Variants in FAF1 observed in about 807,000 individuals in gnomAD.
FAF1 encodes the protein Fas associated factor 1, also known as FAS-associated factor 1.
In FAF1, 25 loss-of-function variants were observed where a neutral mutation model predicts 92.5. The ratio of observed to expected loss-of-function variants is 0.27; its 90% CI spans 0.20 to 0.38. The LOEUF (loss-of-function observed/expected upper bound fraction) is 0.38. Among genes scored for constraint, FAF1 ranks in the 10% least tolerant of loss-of-function variants. The pLI is 1.00. For synonymous variants in FAF1, 234 were observed against 273.2 expected (o/e 0.86, Z 1.42); for missense variants, 636 against 793.3 (o/e 0.80, Z 2.38).
At chr1:50,649,338 A>C (rs1401892226) in intron 8 of FAF1, among the ~76,000 whole-genome samples, 4 of 150,676 alleles carry the variant, frequency 2.7e-5, no homozygotes, top group Non-Finnish European at 5.9e-5. Context: ...TTCAGTAGAG[A>C]TGGGGTTTCT....
intron 8 of FAF1, among the ~76,000 whole-genome samples, chr1:50,632,815 C>T (rs998418071): frequency 1.3e-5 from 2 of 152,086 alleles, no homozygotes; most frequent in Admixed American, 6.6e-5. Flanking sequence ...AATAACTCTC[C>T]TAGCTTTAAC....
intron 15 of FAF1, among the ~76,000 whole-genome samples, chr1:50,496,695 C>T (rs1313255712): frequency 1.3e-5 from 2 of 152,068 alleles, no homozygotes; most frequent in African/African-American, 4.8e-5. Context: ...AGTTTGAGAC[C>T]AGCCTGACCT....
chr1:50,458,737 C>T (rs1646387475), intron 18 of FAF1, among the ~76,000 whole-genome samples: 1 of 152,208 alleles, frequency 6.6e-6, no homozygotes, highest in Admixed American at 6.5e-5. Flanking sequence ...TCAATTTCAT[C>T]ATAATAGCTT....
rs939042223 is a variant in FAF1 at position 50,647,158 on chromosome 1, G to A, written c.744+8284C>T. Among the ~76,000 whole-genome samples the A allele has an allele frequency of 3.3e-5, 5 of 151,890 alleles. No homozygotes were observed. In the East Asian group the frequency reaches 5.8e-4, roughly 18 times the overall value. ...GCCACCATGCCCAGCCTAGGGCTCC[G>A]GACTTCTACATTTGAGTCCTGGTGG... On this transcript the variant is annotated intron_variant, in intron 8 of 18. Transcript: ENST00000396153.
chr1:50,789,497 TC>T (rs1661490760), intron 3 of FAF1, among the ~76,000 whole-genome samples: 1 of 152,140 alleles, frequency 6.6e-6, no homozygotes, highest in Non-Finnish European at 1.5e-5. Flanking sequence ...TTCTCTTTCA[TC>T]CCACATACCT....
intron 13 of FAF1, among the ~76,000 whole-genome samples, chr1:50,557,907 C>CTTATTTATTTATTTAT (rs147268445): frequency 6.6e-5 from 10 of 150,408 alleles, no homozygotes; most frequent in African/African-American, 1.7e-4. Flanking sequence ...TTATAAATAT[C>CTTATTTATTTATTTAT]TTATTTATTT....
At chr1:50,561,689 G>C (rs1337175784) in intron 13 of FAF1, among the ~76,000 whole-genome samples, 1 of 152,072 alleles carries the variant, frequency 6.6e-6, no homozygotes, top group Non-Finnish European at 1.5e-5. Flanking sequence ...AGCCAGGCGT[G>C]GTGGCACACA....
chr1:50,835,057 T>A (rs1644188166), intron 2 of FAF1, among the ~76,000 whole-genome samples: 1 of 152,198 alleles, frequency 6.6e-6, no homozygotes, highest in South Asian at 2.1e-4. Context: ...TTTAATTCCA[T>A]TTTTCAGTGT....
chr1:50,627,559 T>C (rs1653562718), intron 8 of FAF1, among the ~76,000 whole-genome samples: 2 of 151,400 alleles, frequency 1.3e-5, no homozygotes, highest in Admixed American at 6.6e-5. Flanking sequence ...AAACGGAAGG[T>C]TGGACAAAGA....
At chr1:50,735,222 T>C (rs1169566820) in intron 6 of FAF1, among the ~76,000 whole-genome samples, 3 of 152,058 alleles carry the variant, frequency 2.0e-5, no homozygotes, top group Non-Finnish European at 2.9e-5. Context: ...TAACAGTTTG[T>C]TTTCTCCTTC....
At chr1:50,607,830 C>T (rs150730880) in intron 8 of FAF1, among the ~76,000 whole-genome samples, 3 of 152,324 alleles carry the variant, frequency 2.0e-5, no homozygotes, top group African/African-American at 7.2e-5. Flanking sequence ...TAAGGGGAGA[C>T]CCAGAATCCC....
chr1:50,715,308 T>G (rs145654796), intron 6 of FAF1, among the ~76,000 whole-genome samples: 7 of 152,162 alleles, frequency 4.6e-5, no homozygotes, highest in South Asian at 2.1e-4. Flanking sequence ...AAATTGAAGG[T>G]GGCGGGGTGG....
chr1:50,558,173 A>G (rs1649684491), intron 13 of FAF1, among the ~76,000 whole-genome samples: 1 of 152,010 alleles, frequency 6.6e-6, no homozygotes. Flanking sequence ...CACTGGGGTT[A>G]CAGGTGTGAG....
At chr1:50,756,481 A>T (rs114720739) in intron 4 of FAF1, among the ~76,000 whole-genome samples, 1,976 of 151,992 alleles carry the variant, frequency 0.013, 43 homozygotes, top group African/African-American at 0.044. Flanking sequence ...ACTTTCCTGC[A>T]TTTTTCTGTC....
intron 2 of FAF1, among the ~76,000 whole-genome samples, chr1:50,820,099 G>A (rs1224510491): frequency 6.6e-6 from 1 of 151,764 alleles, no homozygotes; most frequent in Non-Finnish European, 1.5e-5. Flanking sequence ...CACAGACACA[G>A]AAAGCACAAT....
At chr1:50,944,893 C>T (rs1163807394) in intron 1 of FAF1, among the ~76,000 whole-genome samples, 3 of 152,090 alleles carry the variant, frequency 2.0e-5, no homozygotes, top group Non-Finnish European at 4.4e-5. Flanking sequence ...ATATAACCTC[C>T]CACCCCTTCC....
intron 8 of FAF1, among the ~76,000 whole-genome samples, chr1:50,600,994 C>A (rs1326136607): frequency 6.6e-6 from 1 of 152,090 alleles, no homozygotes; most frequent in African/African-American, 2.4e-5. Context: ...GATTTCTTTA[C>A]AAGTGCAAAA....
At chr1:50,443,192 T>C (rs1389694441) in intron 18 of FAF1, among the ~76,000 whole-genome samples, 1 of 152,118 alleles carries the variant, frequency 6.6e-6, no homozygotes, top group Non-Finnish European at 1.5e-5. Flanking sequence ...AAATATGATG[T>C]TTGTTGGGAG....
chr1:50,943,556 T>A (rs1570169778), intron 1 of FAF1, among the ~76,000 whole-genome samples: 1 of 152,188 alleles, frequency 6.6e-6, no homozygotes, highest in Non-Finnish European at 1.5e-5. Context: ...CAAGGTGTTG[T>A]CATTGGTTAG....
Sources: gnomAD v4.1 joint callset for allele counts (sites outside exome capture counted in the v4.1 genomes callset) on GRCh38, gnomAD v4.1.1 for gene constraint, MANE v1.5 for transcripts, NCBI Gene and HGNC (gene_info 2026-07-23, HGNC 2026-07-21) for gene names.